Variants in ZNF574 observed in about 807,000 individuals in gnomAD.
The protein encoded by ZNF574 is zinc finger protein 574.
A neutral mutation model predicts 56.6 loss-of-function variants in ZNF574; 25 were observed. The observed-to-expected ratio is 0.44, with a 90% CI of 0.32 to 0.62. ZNF574 has a LOEUF of 0.62. ZNF574 is among the 20% of genes least tolerant of loss of function. The pLI, the probability that ZNF574 is intolerant of heterozygous loss-of-function variation, is 0.04. For synonymous variants in ZNF574, 543 were observed against 492.1 expected, an observed-to-expected ratio of 1.10 and a Z score of -1.37; for missense variants, 1,065 against 1,218.9, an observed-to-expected ratio of 0.87 and a Z score of 1.88.
chr19:42,079,554 G>C lies in ZNF574; in HGVS notation c.948G>C (p.Gln316His), dbSNP rs376004748. Reference sequence around the variant, plus strand: ...AGCTCTTCTGCTCAGCCTGTGACCAGCTCTTTCTCTCACCCCACCAGCTAC... The same window carrying C: ...AGCTCTTCTGCTCAGCCTGTGACCACCTCTTTCTCTCACCCCACCAGCTAC... ...TQELFCSACD[Q>H]LFLSPHQLQQ... The change falls in exon 2 of 2, where the codon CAG becomes CAC. Residue 316 changes from glutamine to histidine, a missense_variant. Physicochemically the swap from Gln to His is conservative, Grantham distance 24. Transcript: ENST00000359044. This position sits in a 1 kb window ranked among gnomAD's most constrained non-coding sequence, Gnocchi z 4.3. 50 of 1,613,958 alleles carry C rather than the reference G, an allele frequency of 3.1e-5. 1 individual carries two copies. The highest frequency in any genetic ancestry group is 1.7e-4 in the Admixed American group (10 of 60,016).
intron 1 of ZNF574, among the ~76,000 whole-genome samples, chr19:42,078,264 C>T (rs1045820970): frequency 8.6e-5 from 13 of 151,818 alleles, no homozygotes; most frequent in South Asian, 2.1e-4. Context: ...ATGTGCTGGG[C>T]GGAACTGTGG....
At position 42,080,172 on chromosome 19, in the gene ZNF574, C is replaced by T. The variant is rs1201996039; in HGVS notation, c.1566C>T (p.Pro522=). The part of the protein sequence containing the change: ...NHLRTHTGER[P]FPCPDCSKPF... The stretch of plus-strand genomic sequence containing the variant: ...TGCGCACACACACAGGGGAGCGGCC[C>T]TTCCCCTGCCCTGACTGCTCCAAGC... Residue 522 remains proline (P), a synonymous_variant, in exon 2 of 2, where the codon CCC becomes CCT. Transcript: ENST00000359044. The surrounding 1 kb of genome is among the most constrained non-coding windows in gnomAD (Gnocchi z 8.5). The T allele has an allele frequency of 1.9e-6, 3 of 1,613,826 alleles. No homozygotes were observed. The African/African-American group carries it at 4.0e-5, about 22-fold the overall frequency.
chr19:42,080,377 C>T lies in ZNF574; in HGVS notation c.1771C>T (p.Pro591Ser). 6.2e-7 allele frequency: 1 copy of T among 1,614,250 alleles called. No homozygotes were observed. The highest frequency in any genetic ancestry group is 8.5e-7 in the Non-Finnish European group (1 of 1,180,034). Residue 591 changes from proline to serine, a missense_variant, in exon 2 of 2, where the codon CCT becomes TCT. Transcript: ENST00000359044. This position sits in a 1 kb window ranked among gnomAD's most constrained non-coding sequence, Gnocchi z 8.5. Reference sequence around the variant, plus strand: ...GGAATGTGGGGTGCGTTTTCACCGTCCTTACCGCCTGCTCATGCACCGCTA... The same window carrying T: ...GGAATGTGGGGTGCGTTTTCACCGTTCTTACCGCCTGCTCATGCACCGCTA... ...CQECGVRFHR[P>S]YRLLMHRYHH... is the part of the protein sequence containing the mutation.
intron 1 of ZNF574, among the ~76,000 whole-genome samples, chr19:42,070,100 G>A (rs899226727): frequency 4.0e-5 from 6 of 151,898 alleles, no homozygotes; most frequent in South Asian, 2.1e-4. Context: ...TCCAGTCCCC[G>A]GCTGGGCCTG....
At chr19:42,077,199 G>A (rs1454665956) in intron 1 of ZNF574, among the ~76,000 whole-genome samples, 2 of 152,082 alleles carry the variant, frequency 1.3e-5, no homozygotes, top group Non-Finnish European at 2.9e-5. Context: ...GGGCTTGAGT[G>A]TGAGGAAGAG....
Position 42,080,487 on chromosome 19 carries a change from C to G in ZNF574, c.1881C>G (p.Leu627=), listed in dbSNP as rs377327633. The G allele has an allele frequency of 1.2e-6, 2 of 1,613,910 alleles. No homozygotes were observed. Among genetic ancestry groups the G allele is most frequent in the Non-Finnish European group, 1.7e-6 (2 of 1,180,000 alleles). The part of the protein sequence containing the change: ...LLRRLLEVHQ[L]VVHAGRQPHR... Reference sequence around the variant, plus strand: ...GTCGGCTGCTGGAGGTGCACCAGCTCGTGGTCCATGCCGGGCGCCAGCCCC... The same window carrying G: ...GTCGGCTGCTGGAGGTGCACCAGCTGGTGGTCCATGCCGGGCGCCAGCCCC... The change falls in exon 2 of 2, where the codon CTC becomes CTG. Residue 627 remains leucine (L), a synonymous_variant. Coordinates refer to ENST00000359044, the MANE Select transcript of ZNF574 (RefSeq NM_022752.6). This position sits in a 1 kb window ranked among gnomAD's most constrained non-coding sequence, Gnocchi z 8.5.
At chr19:42,076,726 G>A (rs147293443) in intron 1 of ZNF574, among the ~76,000 whole-genome samples, 12 of 152,292 alleles carry the variant, frequency 7.9e-5, no homozygotes, top group African/African-American at 2.4e-4. Context: ...TTAATGCAGG[G>A]GAAAAATATC....
At chr19:42,077,154 G>A (rs534278779) in intron 1 of ZNF574, among the ~76,000 whole-genome samples, 33 of 152,102 alleles carry the variant, frequency 2.2e-4, no homozygotes, top group Non-Finnish European at 4.6e-4. Context: ...ACGCTGGGGG[G>A]TCTGAGTACC....
chr19:42,074,935 G>C (rs2076446194), upstream of ZNF574: 2 of 152,312 alleles, frequency 1.3e-5, no homozygotes, highest in South Asian at 2.1e-4. Flanking sequence ...CCAGGCGGGA[G>C]TGCAGTGGCG....
At position 42,079,835 on chromosome 19, in the gene ZNF574, G is replaced by A. The variant is rs1404446813; in HGVS notation, c.1229G>A (p.Arg410Gln). 1.9e-6 allele frequency: 3 copies of A among 1,613,942 alleles called. No individual in the cohort carries two copies. The highest frequency in any genetic ancestry group is 1.7e-5 in the Admixed American group (1 of 59,992). ...AACCTTACCAAGTTCCTTTATCACC[G>A]GCGTACTCATGGGGTAGGGGGTGTC... ...FVNLTKFLYH[R>Q]RTHGVGGVPL... Residue 410 changes from arginine to glutamine, a missense_variant, in exon 2 of 2, where the codon CGG becomes CAG. Coordinates refer to ENST00000359044, the MANE Select transcript of ZNF574 (RefSeq NM_022752.6). This position sits in a 1 kb window ranked among gnomAD's most constrained non-coding sequence, Gnocchi z 4.3.
At chr19:42,068,616 A>G in exon 1 of ZNF574, 1 of 424,458 alleles carries the variant, frequency 2.4e-6, no homozygotes, top group Non-Finnish European at 4.2e-6. Context: ...GGCACAGAAT[A>G]GAAAGAGAAA....
chr19:42,070,086 C>G (rs569855472), intron 1 of ZNF574, among the ~76,000 whole-genome samples: 2 of 152,090 alleles, frequency 1.3e-5, no homozygotes, highest in Admixed American at 6.5e-5. Flanking sequence ...CTCCAGTCCC[C>G]GGCTCCAGTC....
At chr19:42,073,900 G>T (rs1057399519), upstream of ZNF574, among the ~76,000 whole-genome samples, 4 of 150,320 alleles carry the variant, frequency 2.7e-5, no homozygotes, top group Admixed American at 6.7e-5. Context: ...GAGGCTGGGT[G>T]GGGGGGTGGA....
In ZNF574 at chr19:42,079,231, G is replaced by T. The variant is rs111308949; in HGVS notation, c.625G>T (p.Val209Leu). The change falls in exon 2 of 2, where the codon GTG becomes TTG. Residue 209 changes from valine to leucine, a missense_variant. Physicochemically the swap from Val to Leu is conservative, Grantham distance 32. Transcript: ENST00000359044. The surrounding 1 kb of genome is among the most constrained non-coding windows in gnomAD (Gnocchi z 4.3). ...CACCACCACTGAGGTAGTGACTGAG[G>T]TGGAGCTGCTCCTCTACAAGTGCTC... ...AATTTEVVTE[V>L]ELLLYKCSEC... 3.7e-6 allele frequency: 6 copies of T among 1,614,044 alleles called. No homozygotes were observed. The highest frequency in any genetic ancestry group is 2.7e-5 in the African/African-American group (2 of 75,028).
In ZNF574 at chr19:42,080,773, A is replaced by G; in HGVS notation, c.2167A>G (p.Ser723Gly). The G allele has an allele frequency of 1.2e-6, 2 of 1,613,940 alleles. No homozygotes were observed. Among genetic ancestry groups the G allele is most frequent in the Non-Finnish European group, 1.7e-6 (2 of 1,180,008 alleles). Residue 723 changes from serine to glycine, a missense_variant, in exon 2 of 2, where the codon AGC (serine) becomes GGC (glycine). Ser to Gly is a moderately conservative substitution (Grantham distance 56). Transcript: ENST00000359044. This position sits in a 1 kb window ranked among gnomAD's most constrained non-coding sequence, Gnocchi z 8.5. ...APVASPAALGSTATASPAAPA... is the reference protein window; with the variant it reads ...APVASPAALGGTATASPAAPA... The stretch of plus-strand genomic sequence containing the variant: ...AGTTGCCTCTCCAGCAGCCCTTGGA[A>G]GCACTGCTACAGCATCCCCTGCGGC...
At chr19:42,071,902 G>A (rs549592623), upstream of ZNF574, among the ~76,000 whole-genome samples, 53 of 151,974 alleles carry the variant, frequency 3.5e-4, no homozygotes, top group Non-Finnish European at 6.3e-4. Flanking sequence ...TACTTGGGAG[G>A]CTGAGGCACA....
chr19:42,080,758 CCAG>C lies in ZNF574; in HGVS notation c.2157_2159del (p.Ala720del). ...GGCCACTCGTGCACCAGTTGCCTCT[CCAG>C]CAGCCCTTGGAAGCACTGCTACAGC... On this transcript the variant is annotated inframe_deletion, in exon 2 of 2. Coordinates refer to ENST00000359044, the MANE Select transcript of ZNF574 (RefSeq NM_022752.6). This position sits in a 1 kb window ranked among gnomAD's most constrained non-coding sequence, Gnocchi z 8.5. 1 of 1,613,978 alleles carries C rather than the reference CCAG, an allele frequency of 6.2e-7. No individual in the cohort carries two copies. Among genetic ancestry groups the C allele is most frequent in the South Asian group, 1.1e-5 (1 of 91,086 alleles).
In ZNF574 at chr19:42,080,875, C is replaced by T. The variant is rs539408118; in HGVS notation, c.2269C>T (p.Arg757Trp). Reference sequence around the variant, plus strand: ...CACAGAGACGTCACTGCAGGTGCACCGGCGCATCCACACAGGTGAGCGGCC... The same window carrying T: ...CACAGAGACGTCACTGCAGGTGCACTGGCGCATCCACACAGGTGAGCGGCC... ...FSTETSLQVH[R>W]RIHTGERPYP... The change falls in exon 2 of 2, where the codon CGG (arginine) becomes TGG (tryptophan). Residue 757 changes from arginine (R) to tryptophan (W), a missense_variant. Physicochemically the swap from Arg to Trp is moderately radical, Grantham distance 101. Transcript: ENST00000359044. This position sits in a 1 kb window ranked among gnomAD's most constrained non-coding sequence, Gnocchi z 8.5. The T allele has an allele frequency of 8.7e-6, 14 of 1,614,082 alleles. No individual in the cohort carries two copies. Among genetic ancestry groups the T allele is most frequent in the Admixed American group, 3.3e-5 (2 of 60,028 alleles).
At chr19:42,074,527 G>A (rs2076444214), upstream of ZNF574, 1 of 152,028 alleles carries the variant, frequency 6.6e-6, no homozygotes, top group African/African-American at 2.4e-5. Flanking sequence ...ACTCCTAGAT[G>A]TCTTTTACTC....
Sources: allele counts gnomAD v4.1 joint callset (sites outside exome capture counted in the v4.1 genomes callset), GRCh38; gene constraint gnomAD v4.1.1; non-coding constraint Gnocchi (gnomAD v3.1); transcripts MANE v1.5; gene names NCBI Gene and HGNC (gene_info 2026-07-23, HGNC 2026-07-21).